Variants in MGAT4C observed in about 807,000 individuals in gnomAD.
MGAT4C encodes MGAT4 family member C.
MGAT4C carries 19 observed loss-of-function variants against 40.1 expected under a neutral mutation model. The observed-to-expected ratio is 0.47, with a 90% CI of 0.33 to 0.70. The LOEUF (loss-of-function observed/expected upper bound fraction) is 0.70, where lower values mean the gene tolerates loss of function less well. Ranked by LOEUF, MGAT4C falls within the 30% of genes least tolerant of loss-of-function variation. MGAT4C has a pLI of 0.02. For missense variants in MGAT4C, 491 were observed against 563.2 expected, an observed-to-expected ratio of 0.87 and a Z score of 1.30; for synonymous variants, 181 against 187.1, an observed-to-expected ratio of 0.97 and a Z score of 0.27.
chr12:86,408,448 A>ACTCTCTCTCTCTCT (rs1174416641), intron 3 of MGAT4C, among the ~76,000 whole-genome samples: 16 of 29,356 alleles, frequency 5.5e-4, no homozygotes, highest in South Asian at 1.6e-3. Flanking sequence ...TACATAGTAA[A>ACTCTCTCTCTCTCT]CTCTCTCTCT....
chr12:86,556,401 T>C (rs1369806752), intron 2 of MGAT4C, among the ~76,000 whole-genome samples: 1 of 152,200 alleles, frequency 6.6e-6, no homozygotes. Context: ...TAAAATATGT[T>C]AACAGGTGAT....
chr12:86,556,238 T>G (rs897857264), intron 2 of MGAT4C, among the ~76,000 whole-genome samples: 1 of 152,196 alleles, frequency 6.6e-6, no homozygotes, highest in Non-Finnish European at 1.5e-5. Flanking sequence ...ATGTATAGTA[T>G]TTTTTAATGA....
At chr12:86,366,164 G>T (rs1955591576) in intron 3 of MGAT4C, among the ~76,000 whole-genome samples, 1 of 152,092 alleles carries the variant, frequency 6.6e-6, no homozygotes, top group Non-Finnish European at 1.5e-5. Flanking sequence ...ATTGTAAATG[G>T]GATTGTGTTC....
At chr12:86,432,746 T>C (rs535665647) in intron 3 of MGAT4C, among the ~76,000 whole-genome samples, 46 of 152,258 alleles carry the variant, frequency 3.0e-4, no homozygotes, top group African/African-American at 1.1e-3. Context: ...TAAAAACTTT[T>C]CTACAAAATA....
rs898952918 is a variant in MGAT4C, at chr12:85,973,364, A to G, written c.*5925T>C. The G allele has an allele frequency of 6.6e-6, 1 of 150,922 alleles. No individual in the cohort carries two copies. Among genetic ancestry groups the G allele is most frequent in the African/African-American group, 2.4e-5 (1 of 41,360 alleles). The allele number at this position is 150,922 out of a possible 1,614,324, so 9.3% of individuals were successfully genotyped here. ...CTATAATTACCTGTATTTGGGCAGAATGATTTAGGTTATGCCAGCTATTGT... is the reference window on the plus strand; with the variant it reads ...CTATAATTACCTGTATTTGGGCAGAGTGATTTAGGTTATGCCAGCTATTGT... On this transcript the variant is annotated 3_prime_UTR_variant, in exon 5 of 5. Coordinates refer to ENST00000611864, the MANE Select transcript of MGAT4C (RefSeq NM_001351288.2).
intron 1 of MGAT4C, among the ~76,000 whole-genome samples, chr12:86,768,729 C>G (rs1484728170): frequency 6.6e-6 from 1 of 152,140 alleles, no homozygotes; most frequent in African/African-American, 2.4e-5. Flanking sequence ...CTACAACTAT[C>G]TGATCTTTGA....
chr12:86,086,730 A>G (rs1479812247), intron 1 of MGAT4C, among the ~76,000 whole-genome samples: 1 of 152,046 alleles, frequency 6.6e-6, no homozygotes, highest in Admixed American at 6.6e-5. Context: ...ATTTTTAACT[A>G]TAGTCACTTT....
At chr12:86,639,034 C>G (rs920321509) in intron 2 of MGAT4C, among the ~76,000 whole-genome samples, 1 of 151,594 alleles carries the variant, frequency 6.6e-6, no homozygotes, top group Non-Finnish European at 1.5e-5. Context: ...TAAATATTAT[C>G]TTGAAAAATA....
intron 4 of MGAT4C, among the ~76,000 whole-genome samples, chr12:86,266,815 T>C (rs887318705): frequency 6.6e-6 from 1 of 152,126 alleles, no homozygotes; most frequent in Non-Finnish European, 1.5e-5. Context: ...TCAATCTTGC[T>C]GCTGTTTATT....
intron 1 of MGAT4C, among the ~76,000 whole-genome samples, chr12:86,798,494 CTT>C (rs1952171041): frequency 6.6e-6 from 1 of 151,926 alleles, no homozygotes; most frequent in African/African-American, 2.4e-5. Context: ...ATGTGCATCT[CTT>C]TTTCTTATTC....
At chr12:86,358,168 C>T (rs1260510411) in intron 3 of MGAT4C, among the ~76,000 whole-genome samples, 2 of 152,120 alleles carry the variant, frequency 1.3e-5, no homozygotes, top group African/African-American at 4.8e-5. Context: ...GAGTGGGGGC[C>T]AATATACAAC....
chr12:86,542,734 C>T (rs534271463), intron 2 of MGAT4C, among the ~76,000 whole-genome samples: 2 of 152,190 alleles, frequency 1.3e-5, no homozygotes, highest in Admixed American at 6.5e-5. Flanking sequence ...ATGAATGCTG[C>T]ACTATAAACT....
chr12:86,032,025 T>A (rs1439168170), intron 2 of MGAT4C, among the ~76,000 whole-genome samples: 2 of 151,996 alleles, frequency 1.3e-5, no homozygotes, highest in Admixed American at 1.3e-4. Flanking sequence ...TATTTGGTTT[T>A]CTGCTCTTGT....
intron 1 of MGAT4C, among the ~76,000 whole-genome samples, chr12:86,073,337 C>A (rs562501018): frequency 4.3e-4 from 66 of 152,234 alleles, no homozygotes; most frequent in African/African-American, 1.5e-3. Context: ...ATGTCTTTAT[C>A]AGTAGCATGA....
intron 4 of MGAT4C, among the ~76,000 whole-genome samples, chr12:86,296,560 C>G (rs1428022055): frequency 6.6e-6 from 1 of 152,200 alleles, no homozygotes; most frequent in East Asian, 1.9e-4. Context: ...GGGAAGGCAG[C>G]TAAGGCCCAG....
rs188167570 is a variant in MGAT4C, at chr12:86,465,213, C to G, written c.-228-29948G>C. 4.0e-4 allele frequency among the ~76,000 whole-genome samples: 61 copies of G among 152,154 alleles called. 1 individual carries two copies. In the East Asian group the frequency reaches 0.011, roughly 28 times the overall value. ...CTTGAGACATAAGCCATATACCCTT[C>G]ACAAAATTAATAAAAAATGGATAAC... On this transcript the variant is annotated intron_variant, in intron 2 of 7. Coordinates refer to the MGAT4C transcript ENST00000548651.
chr12:86,571,411 A>C (rs550822499), intron 2 of MGAT4C, among the ~76,000 whole-genome samples: 1 of 152,174 alleles, frequency 6.6e-6, no homozygotes. Context: ...ATAAGTGTGT[A>C]TATATATATG....
At chr12:86,290,180 G>A (rs1209272922) in intron 4 of MGAT4C, among the ~76,000 whole-genome samples, 1 of 152,060 alleles carries the variant, frequency 6.6e-6, no homozygotes, top group African/African-American at 2.4e-5. Context: ...CCAAGTAGCT[G>A]GGATTACAGG....
chr12:86,376,844 C>CAG lies in MGAT4C; in HGVS notation c.-119-42719_-119-42718dup, dbSNP rs71076192. Reference sequence around the variant, plus strand: ...AGAGAGAGAGAGAGAGAGAGAGAGACAGAGAGAGAGAGAGAGAGAGAGAGG... The same window carrying CAG: ...AGAGAGAGAGAGAGAGAGAGAGAGACAGAGAGAGAGAGAGAGAGAGAGAGAGG... On this transcript the variant is annotated intron_variant, in intron 3 of 7. Coordinates refer to the MGAT4C transcript ENST00000548651. 7.1e-4 allele frequency among the ~76,000 whole-genome samples: 73 copies of CAG among 103,142 alleles called. 1 individual carries two copies. Among genetic ancestry groups the CAG allele is most frequent in the Non-Finnish European group, 8.9e-4 (44 of 49,670 alleles). The allele number at this position is 103,142 out of a possible 152,430, so 67.7% of individuals were successfully genotyped here.
Sources: gnomAD v4.1 joint callset for allele counts (sites outside exome capture counted in the v4.1 genomes callset) on GRCh38, gnomAD v4.1.1 for gene constraint, MANE v1.5 for transcripts, NCBI Gene and HGNC (gene_info 2026-07-23, HGNC 2026-07-21) for gene names.